BRIP1: variants seen among roughly 807,000 people sequenced by gnomAD.
The protein encoded by BRIP1 is Fanconi anemia group J protein.
Under a neutral mutation model 119.7 loss-of-function variants are expected in BRIP1, and 88 were observed. The observed-to-expected ratio is 0.74, with a 90% confidence interval of 0.62 to 0.88. The LOEUF is 0.88. BRIP1 is among the 40% of genes least tolerant of loss of function. The pLI, the probability that BRIP1 is intolerant of heterozygous loss-of-function variation, is 0.00. For missense variants in BRIP1, 1,259 were observed against 1,455.4 expected (o/e 0.87, Z 2.20); for synonymous variants, 443 against 496.5 (o/e 0.89, Z 1.43).
chr17:61,772,605 G>T (rs2077472509), intron 14 of BRIP1, among the ~76,000 whole-genome samples: 1 of 152,080 alleles, frequency 6.6e-6, no homozygotes, highest in Non-Finnish European at 1.5e-5. Flanking sequence ...GATCATCTGA[G>T]GTCGGGAGTT....
intron 9 of BRIP1, among the ~76,000 whole-genome samples, chr17:61,797,486 C>T (rs1288187250): frequency 1.3e-5 from 2 of 151,942 alleles, no homozygotes; most frequent in Non-Finnish European, 2.9e-5. Context: ...AAACAATTTG[C>T]GTAGAATTGT....
rs1018058751 is a variant in BRIP1, at chr17:61,803,128, TCTGTCA to T, written c.919-1660_919-1655del. ...TTTTTTTCAGAGATGGGAGTCTCAC[TCTGTCA>T]CCTGGGGTGCAGTGGCACGATCCAA... On this transcript the variant is annotated intron_variant, in intron 7 of 19. Coordinates refer to ENST00000259008, the MANE Select transcript of BRIP1 (RefSeq NM_032043.3). This position sits in a 1 kb window ranked among gnomAD's most constrained non-coding sequence, Gnocchi z 4.3. Among the ~76,000 whole-genome samples, 3 of 150,884 alleles carry T rather than the reference TCTGTCA, an allele frequency of 2.0e-5. No individual in the cohort carries two copies. The highest frequency in any genetic ancestry group is 7.3e-5 in the African/African-American group (3 of 40,900).
intron 14 of BRIP1, among the ~76,000 whole-genome samples, chr17:61,772,189 ATATATATATATATATATAT>A (rs2077462670): frequency 7.5e-6 from 1 of 132,788 alleles, no homozygotes; most frequent in Admixed American, 7.4e-5. Context: ...ATATATATAT[ATATATATATATATATATAT>A]AAAATGAAAT....
At chr17:61,811,675 G>A (rs1456459232) in intron 6 of BRIP1, among the ~76,000 whole-genome samples, 1 of 151,780 alleles carries the variant, frequency 6.6e-6, no homozygotes, top group Admixed American at 6.6e-5. Flanking sequence ...GTACAGGCCG[G>A]GCATGGTGGC....
chr17:61,688,414 G>A (rs1326836082), intron 18 of BRIP1, among the ~76,000 whole-genome samples: 1 of 152,098 alleles, frequency 6.6e-6, no homozygotes, highest in East Asian at 1.9e-4. Flanking sequence ...CCAGGAAGCC[G>A]AGGCTGCAAT....
At chr17:61,731,965 C>CT (rs2076850770) in intron 16 of BRIP1, among the ~76,000 whole-genome samples, 1 of 110,510 alleles carries the variant, frequency 9.0e-6, no homozygotes, top group Non-Finnish European at 1.9e-5. Flanking sequence ...TTTTTCTTTT[C>CT]TTTCTTTCTT....
In BRIP1 at chr17:61,689,200, C is replaced by T. The variant is rs998057080; in HGVS notation, c.2576-3035G>A. Among the ~76,000 whole-genome samples the T allele has an allele frequency of 2.0e-5, 3 of 151,922 alleles. No individual in the cohort carries two copies. The highest frequency in any genetic ancestry group is 2.0e-4 in the Admixed American group (3 of 15,240). On this transcript the variant is annotated intron_variant, in intron 18 of 19. Coordinates refer to ENST00000259008, the MANE Select transcript of BRIP1 (RefSeq NM_032043.3). This position sits in a 1 kb window ranked among gnomAD's most constrained non-coding sequence, Gnocchi z 4.5. ...CTGGGACTACAGGCATGTACCACCACACCCGGCTAATTGTCGTATTTTTAG... is the reference window on the plus strand; with the variant it reads ...CTGGGACTACAGGCATGTACCACCATACCCGGCTAATTGTCGTATTTTTAG...
chr17:61,776,435 C>A lies in BRIP1; in HGVS notation c.2063G>T (p.Ser688Ile). The A allele has an allele frequency of 6.2e-7, 1 of 1,614,130 alleles. No homozygotes were observed. The highest frequency in any genetic ancestry group is 8.5e-7 in the Non-Finnish European group (1 of 1,180,008). Residue 688 changes from serine to isoleucine, a missense_variant, in exon 14 of 20, where the codon AGC becomes ATC. Ser to Ile is a moderately radical substitution (Grantham distance 142, BLOSUM62 -2). Around this residue, in one of 3 missense-constraint regions of BRIP1, gnomAD observed 753 missense variants for 891.8 expected, o/e 0.84. Transcript: ENST00000259008. The surrounding 1 kb of genome is among the most constrained non-coding windows in gnomAD (Gnocchi z 5.0). ...TGGCAAGAAACACAAAATTCCTTGG[C>A]TCACAGTCTGGCACACAGATAACAA... ...ALLLSVCQTV[S>I]QGILCFLPSY...
In BRIP1 at chr17:61,710,194, T is replaced by C. The variant is rs1262998737; in HGVS notation, c.2492+5757A>G. Among the ~76,000 whole-genome samples the C allele has an allele frequency of 6.6e-6, 1 of 152,178 alleles. No individual in the cohort carries two copies. Among genetic ancestry groups the C allele is most frequent in the Non-Finnish European group, 1.5e-5 (1 of 68,024 alleles). On this transcript the variant is annotated intron_variant, in intron 17 of 19. Coordinates refer to ENST00000259008, the MANE Select transcript of BRIP1 (RefSeq NM_032043.3). This position sits in a 1 kb window ranked among gnomAD's most constrained non-coding sequence, Gnocchi z 5.4. ...AATTAATAAAATTCTAAAAGTACAG[T>C]ATTATATATCAATACTATAAATACA...
rs1477432132 is a variant in BRIP1, at chr17:61,774,209, G to A, written c.2097+2192C>T. 1.3e-5 allele frequency among the ~76,000 whole-genome samples: 2 copies of A among 152,098 alleles called. No individual in the cohort carries two copies. The highest frequency in any genetic ancestry group is 1.3e-4 in the Admixed American group (2 of 15,278). The stretch of plus-strand genomic sequence containing the variant: ...CCAAATGTCCATCAATGATAGACTG[G>A]ATTAAGAAAATGTGGCACATATACA... On this transcript the variant is annotated intron_variant, in intron 14 of 19. Transcript: ENST00000259008. This position sits in a 1 kb window ranked among gnomAD's most constrained non-coding sequence, Gnocchi z 5.8.
intron 13 of BRIP1, among the ~76,000 whole-genome samples, chr17:61,779,764 T>C (rs531630635): frequency 8.5e-5 from 13 of 152,196 alleles, no homozygotes; most frequent in African/African-American, 3.1e-4. Flanking sequence ...AAGACCAGAA[T>C]GGACAACATG....
At chr17:61,772,312 C>G (rs1229120960) in intron 14 of BRIP1, among the ~76,000 whole-genome samples, 1 of 150,856 alleles carries the variant, frequency 6.6e-6, no homozygotes, top group Non-Finnish European at 1.5e-5. Flanking sequence ...AAACAAAGGA[C>G]AAATACTGTA....
rs201684296 is a variant in BRIP1, at chr17:61,730,702, G to GTATTTATT, written c.2379+12303_2379+12310dup. 2.6e-5 allele frequency among the ~76,000 whole-genome samples: 4 copies of GTATTTATT among 152,070 alleles called. No homozygotes were observed. The highest frequency in any genetic ancestry group is 9.7e-5 in the African/African-American group (4 of 41,406). The stretch of plus-strand genomic sequence containing the variant: ...GCAATATTTTCAGGCATGGCTTTAT[G>GTATTTATT]TATTTATTTATTTATTTTTTGCTAA... On this transcript the variant is annotated intron_variant, in intron 16 of 19. Transcript: ENST00000259008. The surrounding 1 kb of genome is among the most constrained non-coding windows in gnomAD (Gnocchi z 4.3).
At chr17:61,791,488 CAAAA>C (rs529710126) in intron 10 of BRIP1, among the ~76,000 whole-genome samples, 44 of 52,922 alleles carry the variant, frequency 8.3e-4, no homozygotes, top group African/African-American at 1.5e-3. Context: ...GACTTCATCT[CAAAA>C]AAAAAAAAAA....
In BRIP1 at chr17:61,722,456, T is replaced by C. The variant is rs1466669622; in HGVS notation, c.2380-6393A>G. Among the ~76,000 whole-genome samples, 1 of 152,208 alleles carries C rather than the reference T, an allele frequency of 6.6e-6. No individual in the cohort carries two copies. Among genetic ancestry groups the C allele is most frequent in the Non-Finnish European group, 1.5e-5 (1 of 68,040 alleles). The stretch of plus-strand genomic sequence containing the variant: ...ATTCAGCAATAAAGCACATGATAAT[T>C]AAGACTATAAGAAAAAGTACTTTTA... On this transcript the variant is annotated intron_variant, in intron 16 of 19. Coordinates refer to ENST00000259008, the MANE Select transcript of BRIP1 (RefSeq NM_032043.3). The surrounding 1 kb of genome is among the most constrained non-coding windows in gnomAD (Gnocchi z 4.6).
rs2061412436 is a variant in BRIP1, at chr17:61,689,326, T to C, written c.2576-3161A>G. Among the ~76,000 whole-genome samples the C allele has an allele frequency of 6.6e-6, 1 of 151,870 alleles. No individual in the cohort carries two copies. The highest frequency in any genetic ancestry group is 2.1e-4 in the South Asian group (1 of 4,814). The stretch of plus-strand genomic sequence containing the variant: ...CCCAAAGTGCTAAGAATCAGGAAAT[T>C]TGAAGGCAAGTCGTTTGAAATCATC... On this transcript the variant is annotated intron_variant, in intron 18 of 19. Transcript: ENST00000259008. The surrounding 1 kb of genome is among the most constrained non-coding windows in gnomAD (Gnocchi z 4.5).
At chr17:61,694,703 A>G (rs184384426) in intron 17 of BRIP1, among the ~76,000 whole-genome samples, 18 of 152,022 alleles carry the variant, frequency 1.2e-4, no homozygotes, top group Admixed American at 3.3e-4. Context: ...TACCCTTCTA[A>G]AAATATATCT....
rs2078670829 is a variant in BRIP1 at position 61,842,433 on chromosome 17, A to G, written c.627+4668T>C. ...TCTTACATATTTTCAAAAAGCTGTAAGAGAGAATTCTGAATATTCGCAACA... is the reference window on the plus strand; with the variant it reads ...TCTTACATATTTTCAAAAAGCTGTAGGAGAGAATTCTGAATATTCGCAACA... On this transcript the variant is annotated intron_variant, in intron 6 of 19. Coordinates refer to ENST00000259008, the MANE Select transcript of BRIP1 (RefSeq NM_032043.3). The surrounding 1 kb of genome is among the most constrained non-coding windows in gnomAD (Gnocchi z 5.1). Among the ~76,000 whole-genome samples the G allele has an allele frequency of 6.6e-6, 1 of 152,076 alleles. No homozygotes were observed. The highest frequency in any genetic ancestry group is 2.4e-5 in the African/African-American group (1 of 41,372).
intron 14 of BRIP1, among the ~76,000 whole-genome samples, chr17:61,766,264 T>C (rs980596946): frequency 1.3e-5 from 2 of 152,286 alleles, no homozygotes; most frequent in Middle Eastern, 3.4e-3. Context: ...CAGTAAATGT[T>C]TGTCAAATGA....
Sources: gnomAD v4.1 joint callset for allele counts (sites outside exome capture counted in the v4.1 genomes callset) on GRCh38, gnomAD v4.1.1 for gene constraint, gnomAD v4.1.1 regional missense constraint, Gnocchi (gnomAD v3.1) non-coding constraint, MANE v1.5 for transcripts, NCBI Gene and HGNC (gene_info 2026-07-23, HGNC 2026-07-21) for gene names.